HS3ST4: variants seen among roughly 807,000 people sequenced by gnomAD.
The protein encoded by HS3ST4 is heparan sulfate glucosamine 3-O-sulfotransferase 4.
HS3ST4 carries 17 observed loss-of-function variants against 29.2 expected under a neutral mutation model. The observed-to-expected ratio is 0.58, with a 90% CI of 0.40 to 0.87. The LOEUF is 0.87. HS3ST4 is among the 40% of genes least tolerant of loss of function. The pLI is 0.00. For missense variants in HS3ST4, 627 were observed against 634.5 expected, an observed-to-expected ratio of 0.99 and a Z score of 0.13; for synonymous variants, 314 against 285.7, an observed-to-expected ratio of 1.10 and a Z score of -1.00.
chr16:25,737,292 T>C lies in HS3ST4; in HGVS notation c.734+44141T>C, dbSNP rs368060065. Among the ~76,000 whole-genome samples the C allele has an allele frequency of 3.3e-5, 5 of 152,308 alleles. No homozygotes were observed. In the East Asian group the frequency reaches 9.6e-4, roughly 29 times the overall value. ...CATGACTACACTTGGCCAGTGGTGA[T>C]ACTTGTGAGACATGTTCTGGTTTGA... On this transcript the variant is annotated intron_variant, in intron 1 of 1. Transcript: ENST00000331351.
chr16:26,093,582 C>T lies in HS3ST4; in HGVS notation c.735-42030C>T, dbSNP rs186602914. 3.8e-3 allele frequency among the ~76,000 whole-genome samples: 579 copies of T among 152,290 alleles called. 18 individuals are homozygous for T. The highest frequency in any genetic ancestry group is 0.032 in the Admixed American group (482 of 15,300). ...ATAGCATCAACATCAACAAAAAGGACATCAACACCAAAACCCCATCTGTAG... is the reference window on the plus strand; with the variant it reads ...ATAGCATCAACATCAACAAAAAGGATATCAACACCAAAACCCCATCTGTAG... On this transcript the variant is annotated intron_variant, in intron 1 of 1. Coordinates refer to ENST00000331351, the MANE Select transcript of HS3ST4 (RefSeq NM_006040.3).
intron 1 of HS3ST4, among the ~76,000 whole-genome samples, chr16:25,811,874 G>A (rs1489196171): frequency 1.3e-5 from 2 of 152,158 alleles, no homozygotes; most frequent in Non-Finnish European, 2.9e-5. Flanking sequence ...AGTTTTTAGG[G>A]AGTCAAAAGT....
chr16:25,893,938 A>T (rs1968035304), intron 1 of HS3ST4, among the ~76,000 whole-genome samples: 1 of 152,198 alleles, frequency 6.6e-6, no homozygotes. Flanking sequence ...CAGGCCAGCC[A>T]GTAGAGGATT....
chr16:25,850,412 A>G (rs1391188003), intron 1 of HS3ST4, among the ~76,000 whole-genome samples: 1 of 152,170 alleles, frequency 6.6e-6, no homozygotes, highest in Non-Finnish European at 1.5e-5. Context: ...ATGAAGTTGA[A>G]ATAGCTAACC....
At chr16:26,121,062 T>C (rs1329926514) in intron 1 of HS3ST4, among the ~76,000 whole-genome samples, 14 of 152,158 alleles carry the variant, frequency 9.2e-5, no homozygotes, top group Admixed American at 8.5e-4. Context: ...TTGCTCATGA[T>C]TGGAATGGTG....
At chr16:26,022,655 A>AT (rs1969425501) in intron 1 of HS3ST4, among the ~76,000 whole-genome samples, 3 of 145,678 alleles carry the variant, frequency 2.1e-5, no homozygotes, top group East Asian at 2.0e-4. Context: ...TCAAAGGTCC[A>AT]TTTTTTGCAC....
intron 1 of HS3ST4, among the ~76,000 whole-genome samples, chr16:26,022,524 T>C (rs1242557562): frequency 6.6e-6 from 1 of 152,184 alleles, no homozygotes; most frequent in Non-Finnish European, 1.5e-5. Flanking sequence ...GGAGGCCACC[T>C]GCTCTACCTT....
intron 1 of HS3ST4, among the ~76,000 whole-genome samples, chr16:25,923,396 G>A (rs1482166171): frequency 1.3e-5 from 2 of 152,196 alleles, no homozygotes; most frequent in African/African-American, 4.8e-5. Flanking sequence ...TCAGGGCTTG[G>A]CTTGTCAAGT....
chr16:25,835,696 A>G (rs1270857969), intron 1 of HS3ST4, among the ~76,000 whole-genome samples: 1 of 152,230 alleles, frequency 6.6e-6, no homozygotes, highest in Non-Finnish European at 1.5e-5. Context: ...TCAGGTCTGC[A>G]TAAGGGCAAT....
At chr16:25,983,607 T>A (rs1035701782) in intron 1 of HS3ST4, among the ~76,000 whole-genome samples, 9 of 152,214 alleles carry the variant, frequency 5.9e-5, no homozygotes, top group African/African-American at 2.2e-4. Context: ...TCGTGGTGGA[T>A]GCTTGAGTCC....
In HS3ST4 at chr16:25,955,817, C is replaced by CTTTT. The variant is rs67504831; in HGVS notation, c.735-179783_735-179780dup. On this transcript the variant is annotated intron_variant, in intron 1 of 1. Coordinates refer to ENST00000331351, the MANE Select transcript of HS3ST4 (RefSeq NM_006040.3). ...CAATTATATTACAATGTGATGTATA[C>CTTTT]TTTTTTTTTTTTTTTAAGTGGGAGT... Among the ~76,000 whole-genome samples the CTTTT allele has an allele frequency of 2.1e-3, 297 of 142,198 alleles. 3 individuals are homozygous for CTTTT. Among genetic ancestry groups the CTTTT allele is most frequent in the East Asian group, 0.016 (75 of 4,818 alleles). The allele number at this position is 142,198 out of a possible 152,430, so 93.3% of individuals were successfully genotyped here. A position where few individuals can be genotyped will look rare whatever the true frequency, so the allele number is the denominator to read the frequency against.
chr16:25,743,096 G>A (rs375778832), intron 1 of HS3ST4, among the ~76,000 whole-genome samples: 5 of 152,304 alleles, frequency 3.3e-5, no homozygotes, highest in Admixed American at 6.5e-5. Flanking sequence ...AGAGTTAGCT[G>A]TCAAAGTCTC....
chr16:25,981,734 A>G (rs114203131), intron 1 of HS3ST4, among the ~76,000 whole-genome samples: 3,975 of 151,876 alleles, frequency 0.026, 188 homozygotes, highest in African/African-American at 0.091. Context: ...AGACATGAGT[A>G]TTTCTCTTCA....
At chr16:26,073,405 C>T (rs1217891426) in intron 1 of HS3ST4, among the ~76,000 whole-genome samples, 1 of 152,080 alleles carries the variant, frequency 6.6e-6, no homozygotes, top group Non-Finnish European at 1.5e-5. Flanking sequence ...GACAGGGTCT[C>T]ACTCTGTTAC....
chr16:25,745,445 C>T (rs1476019364), intron 1 of HS3ST4, among the ~76,000 whole-genome samples: 3 of 152,086 alleles, frequency 2.0e-5, no homozygotes, highest in Non-Finnish European at 4.4e-5. Context: ...GTTTTCAGAC[C>T]ATCCTTGTTA....
chr16:25,922,864 G>A (rs140137921), intron 1 of HS3ST4, among the ~76,000 whole-genome samples: 15 of 152,278 alleles, frequency 9.9e-5, no homozygotes, highest in African/African-American at 1.7e-4. Context: ...TTTAAGAACC[G>A]TTGCCATATT....
intron 1 of HS3ST4, among the ~76,000 whole-genome samples, chr16:25,941,928 G>A (rs900255219): frequency 2.0e-5 from 3 of 152,170 alleles, no homozygotes; most frequent in Non-Finnish European, 4.4e-5. Flanking sequence ...GTGTGGGCAG[G>A]ATCTTTGTCT....
At chr16:25,878,958 T>C (rs1012052500) in intron 1 of HS3ST4, among the ~76,000 whole-genome samples, 1 of 152,174 alleles carries the variant, frequency 6.6e-6, no homozygotes, top group African/African-American at 2.4e-5. Context: ...GTGCTCTGTC[T>C]GCTTCAGGAA....
At chr16:26,115,257 A>G (rs1899186506) in intron 1 of HS3ST4, among the ~76,000 whole-genome samples, 2 of 148,374 alleles carry the variant, frequency 1.3e-5, no homozygotes, top group African/African-American at 5.1e-5. Context: ...ATATATATAT[A>G]CATATATATA....
Sources: allele counts gnomAD v4.1 joint callset (sites outside exome capture counted in the v4.1 genomes callset), GRCh38; gene constraint gnomAD v4.1.1; transcripts MANE v1.5; gene names NCBI Gene and HGNC (gene_info 2026-07-23, HGNC 2026-07-21).